The following CCDC80 variants were observed in gnomAD, a reference collection of about 807,000 sequenced individuals.
The protein encoded by CCDC80 is coiled-coil domain-containing protein 80.
CCDC80 carries 49 observed loss-of-function variants against 78.7 expected under a neutral mutation model. That is an observed-to-expected ratio of 0.62 (90% CI 0.50 to 0.79). The LOEUF is 0.79. CCDC80 is among the 30% of genes least tolerant of loss of function. The probability of loss-of-function intolerance (pLI) is 0.00; values close to 1 mark genes in which losing one functional copy is unlikely to be tolerated. For synonymous variants in CCDC80, 488 were observed against 447.0 expected, an observed-to-expected ratio of 1.09 and a Z score of -1.16; for missense variants, 1,205 against 1,198.6, an observed-to-expected ratio of 1.01 and a Z score of -0.08.
chr3:112,627,895 C>T (rs1936010393), intron 3 of CCDC80, among the ~76,000 whole-genome samples: 1 of 151,890 alleles, frequency 6.6e-6, no homozygotes, highest in African/African-American at 2.4e-5. Context: ...CCCACAGCCC[C>T]TCTACAGTTC....
rs966831891 is a variant in CCDC80 at position 112,600,517 on chromosome 3, G to A, written c.*4900C>T. ...CCCTCTTTTTTTTGGTGGGGAGACA[G>A]GGTCTCACTTTGTCACCCAGGATGA... On this transcript the variant is annotated 3_prime_UTR_variant, in exon 8 of 8. Transcript: ENST00000206423. 5 of 146,996 alleles carry A rather than the reference G, an allele frequency of 3.4e-5. No individual in the cohort carries two copies. Among genetic ancestry groups the A allele is most frequent in the African/African-American group, 1.4e-4 (5 of 36,928 alleles). 9.1% of individuals were successfully genotyped at this position (146,996 alleles called of 1,614,324 possible).
chr3:112,597,852 G>A lies in CCDC80; in HGVS notation c.*7565C>T, dbSNP rs947817548. On this transcript the variant is annotated 3_prime_UTR_variant, in exon 8 of 8. Coordinates refer to ENST00000206423, the MANE Select transcript of CCDC80 (RefSeq NM_199511.3). ...AACCCATAATTGATGATACATATTA[G>A]TTTATAATTAACGGCGTACCTAACT... 2.2e-4 allele frequency: 33 copies of A among 152,252 alleles called. No individual in the cohort carries two copies. The highest frequency in any genetic ancestry group is 7.9e-4 in the African/African-American group (33 of 41,548). 9.4% of individuals were successfully genotyped at this position (152,252 alleles called of 1,614,324 possible).
At chr3:112,633,368 C>A (rs915519145) in intron 2 of CCDC80, among the ~76,000 whole-genome samples, 1 of 152,146 alleles carries the variant, frequency 6.6e-6, no homozygotes, top group African/African-American at 2.4e-5. Context: ...TCCTTAAAGT[C>A]TTTTCTAGCA....
intron 3 of CCDC80, among the ~76,000 whole-genome samples, chr3:112,620,038 A>G (rs752846974): frequency 5.3e-5 from 8 of 152,234 alleles, no homozygotes; most frequent in African/African-American, 7.2e-5. Flanking sequence ...AAAATTACCA[A>G]TGAGAGCCTA....
rs139726887 is a variant in CCDC80, at chr3:112,608,312, C to T, written c.2426-1056G>A. On this transcript the variant is annotated intron_variant, in intron 6 of 7. Coordinates refer to ENST00000206423, the MANE Select transcript of CCDC80 (RefSeq NM_199511.3). ...TGAACACTGCCATGGGAGGGTACTT[C>T]TAAGGAGAAGCTAAAATCTAGGCAA... 9.6e-3 allele frequency among the ~76,000 whole-genome samples: 1,461 copies of T among 152,280 alleles called. 17 individuals carry two copies. The highest frequency in any genetic ancestry group is 0.028 in the Admixed American group (433 of 15,288).
Position 112,619,010 on chromosome 3 carries a change from A to G in CCDC80, c.2130T>C (p.Asn710=). 1 of 1,613,708 alleles carries G rather than the reference A, an allele frequency of 6.2e-7. No individual in the cohort carries two copies. The highest frequency in any genetic ancestry group is 8.5e-7 in the Non-Finnish European group (1 of 1,179,900). Residue 710 remains asparagine, a synonymous_variant, in exon 4 of 8, where the codon AAT becomes AAC. Transcript: ENST00000206423. ...CATCTGTTAGCACCATGAAGAAGTCATTGTAGGTCATTCCGTACTCTTTCC... is the reference window on the plus strand; with the variant it reads ...CATCTGTTAGCACCATGAAGAAGTCGTTGTAGGTCATTCCGTACTCTTTCC... ...ELRKEYGMTY[N]DFFMVLTDVD... is the part of the protein sequence containing the mutation.
At position 112,603,557 on chromosome 3, in the gene CCDC80, A is replaced by G. The variant is rs1188990226; in HGVS notation, c.*1860T>C. 1 of 147,090 alleles carries G rather than the reference A, an allele frequency of 6.8e-6. No homozygotes were observed. Among genetic ancestry groups the G allele is most frequent in the East Asian group, 2.0e-4 (1 of 5,126 alleles). The allele number at this position is 147,090 out of a possible 1,614,324, so 9.1% of individuals were successfully genotyped here. On this transcript the variant is annotated 3_prime_UTR_variant, in exon 8 of 8. Transcript: ENST00000206423. ...ATATAATATATATTATATATTTTAT[A>G]TATGTATATAAAATATATATATAAA... is the stretch of plus-strand genomic sequence containing the variant.
chr3:112,629,038 C>T (rs1454703984), intron 3 of CCDC80, among the ~76,000 whole-genome samples: 1 of 152,042 alleles, frequency 6.6e-6, no homozygotes, highest in Non-Finnish European at 1.5e-5. Flanking sequence ...AGACCATATT[C>T]AAATCAAGTT....
Position 112,638,826 on chromosome 3 carries a change from T to C in CCDC80, c.1080A>G (p.Thr360=). 1 of 1,613,682 alleles carries C rather than the reference T, an allele frequency of 6.2e-7. No individual in the cohort carries two copies. The highest frequency in any genetic ancestry group is 8.5e-7 in the Non-Finnish European group (1 of 1,179,968). ...CCGCCCGGGACGTGGACCGAGTCAC[T>C]GTTGTGGCTGGGGCAGGAGGAAGGG... ...ATTLPPAPAT[T]VTRSTSRAVT... The change falls in exon 2 of 8, where the codon ACA becomes ACG. Residue 360 remains threonine (T), a synonymous_variant. Coordinates refer to ENST00000206423, the MANE Select transcript of CCDC80 (RefSeq NM_199511.3).
In CCDC80 at chr3:112,604,240, C is replaced by A. The variant is rs1310788476; in HGVS notation, c.*1177G>T. 6.6e-6 allele frequency: 1 copy of A among 152,164 alleles called. No individual in the cohort carries two copies. Among genetic ancestry groups the A allele is most frequent in the Non-Finnish European group, 1.5e-5 (1 of 68,034 alleles). The allele number at this position is 152,164 out of a possible 1,614,324, so 9.4% of individuals were successfully genotyped here. On this transcript the variant is annotated 3_prime_UTR_variant, in exon 8 of 8. Coordinates refer to ENST00000206423, the MANE Select transcript of CCDC80 (RefSeq NM_199511.3). ...GGCTCCAATTTCAAAAGAAGTTGTACTACTGGTAAAATGCTATCATACAGC... is the reference window on the plus strand; with the variant it reads ...GGCTCCAATTTCAAAAGAAGTTGTAATACTGGTAAAATGCTATCATACAGC...
At position 112,639,811 on chromosome 3, in the gene CCDC80, C is replaced by T. The variant is rs75074453; in HGVS notation, c.95G>A (p.Ser32Asn). The T allele has an allele frequency of 6.6e-3, 10,660 of 1,614,140 alleles. 608 individuals carry two copies. In the African/African-American group the frequency reaches 0.12, roughly 19 times the overall value. ...EPHPHATIRG[S>N]HGGRKVPLVS... is the part of the protein sequence containing the mutation. Reference sequence around the variant, plus strand: ...CAAAGGCACTTTCCGTCCTCCGTGGCTGCCTCTAATAGTGGCATGGGGGTG... The same window carrying T: ...CAAAGGCACTTTCCGTCCTCCGTGGTTGCCTCTAATAGTGGCATGGGGGTG... The change falls in exon 2 of 8, where the codon AGC becomes AAC. Residue 32 changes from serine (S) to asparagine (N), a missense_variant. Coordinates refer to ENST00000206423, the MANE Select transcript of CCDC80 (RefSeq NM_199511.3).
chr3:112,635,215 C>A (rs1936181547), intron 2 of CCDC80, among the ~76,000 whole-genome samples: 1 of 152,190 alleles, frequency 6.6e-6, no homozygotes, highest in Admixed American at 6.5e-5. Context: ...TAAATAAAGA[C>A]AAAGCACTAA....
Position 112,630,158 on chromosome 3 carries a change from C to G in CCDC80, c.1990G>C (p.Gly664Arg). 1.2e-6 allele frequency: 2 copies of G among 1,613,790 alleles called. No homozygotes were observed. The highest frequency in any genetic ancestry group is 1.7e-6 in the Non-Finnish European group (2 of 1,179,834). The change falls in exon 3 of 8, where the codon GGC (glycine) becomes CGC (arginine). Residue 664 changes from glycine (G) to arginine (R), a missense_variant. Transcript: ENST00000206423. ...TRKISVITIF[G>R]PVNNSTMKID... ...TTCATGGTGCTGTTGTTGACAGGGC[C>G]GAAGATGGTGATCACAGAGATTTTC... is the stretch of plus-strand genomic sequence containing the variant.
Position 112,607,250 on chromosome 3 carries a change from C to A in CCDC80, c.2432G>T (p.Arg811Leu), listed in dbSNP as rs769345375. ...LSGQACNFGL[R>L]HITILKLLGV... The stretch of plus-strand genomic sequence containing the variant: ...TAAAAGCTTCAGAATGGTTATGTGG[C>A]GCAGACCTGAGAGAAAAAAGAAAAC... The change falls in exon 7 of 8, where the codon CGC becomes CTC. Residue 811 changes from arginine (R) to leucine (L), a missense_variant. Physicochemically the swap from Arg to Leu is moderately radical, Grantham distance 102. Transcript: ENST00000206423. 6.2e-7 allele frequency: 1 copy of A among 1,612,482 alleles called. No homozygotes were observed. The highest frequency in any genetic ancestry group is 2.2e-5 in the East Asian group (1 of 44,854).
intron 4 of CCDC80, 101 bp downstream of exon 4, chr3:112,618,867 A>G: frequency 7.8e-7 from 1 of 1,289,532 alleles, no homozygotes; most frequent in Non-Finnish European, 1.1e-6. Context: ...TTTATAAAAT[A>G]ATTTATGCTT....
At position 112,639,384 on chromosome 3, in the gene CCDC80, A is replaced by G. The variant is rs1489403540; in HGVS notation, c.522T>C (p.Asp174=). ...YRLMMSLLKD[D]VYCELAERHI... is the part of the protein sequence containing the mutation. ...GCCTCTCCGCCAGCTCACAGTACAC[A>G]TCGTCCTTCAGCAGGCTCATCATGA... The change falls in exon 2 of 8, where the codon GAT becomes GAC. Residue 174 remains aspartate (D), a synonymous_variant. Transcript: ENST00000206423. The G allele has an allele frequency of 6.2e-7, 1 of 1,613,944 alleles. No homozygotes were observed. The highest frequency in any genetic ancestry group is 8.5e-7 in the Non-Finnish European group (1 of 1,180,028).
rs543082471 is a variant in CCDC80, at chr3:112,631,745, T to C, written c.1879-1476A>G. Among the ~76,000 whole-genome samples the C allele has an allele frequency of 7.2e-5, 11 of 152,284 alleles. No individual in the cohort carries two copies. In the South Asian group the frequency reaches 2.3e-3, roughly 32 times the overall value. On this transcript the variant is annotated intron_variant, in intron 2 of 7. Transcript: ENST00000206423. ...GCTGTTTATTTTTCTCTGTCAGAGA[T>C]GTCTGTATTGCTACCTGCAGGCTTT...
At position 112,609,977 on chromosome 3, in the gene CCDC80, C is replaced by G. The variant is rs1394405986; in HGVS notation, c.2425+1G>C. 6.2e-7 allele frequency: 1 copy of G among 1,611,354 alleles called. No individual in the cohort carries two copies. Among genetic ancestry groups the G allele is most frequent in the Non-Finnish European group, 8.5e-7 (1 of 1,178,598 alleles). ...CAGTAATGAGGTGGCTTCCCACTCA[C>G]CAAAATTGCACGCCTGACCACTGAG... On this transcript the variant is annotated splice_donor_variant, in intron 6 of 7. Transcript: ENST00000206423. LOFTEE classifies it high-confidence loss of function.
chr3:112,608,088 C>T (rs555387089), intron 6 of CCDC80, among the ~76,000 whole-genome samples: 8 of 152,314 alleles, frequency 5.3e-5, no homozygotes, highest in Admixed American at 1.3e-4. Context: ...AAGGTCATGC[C>T]TTGGTAGCTT....
Sources: gnomAD v4.1 joint callset for allele counts (sites outside exome capture counted in the v4.1 genomes callset) on GRCh38, gnomAD v4.1.1 for gene constraint, MANE v1.5 for transcripts, NCBI Gene and HGNC (gene_info 2026-07-23, HGNC 2026-07-21) for gene names.